The following KBTBD11 variants were observed in gnomAD, a reference collection of about 807,000 sequenced individuals.
KBTBD11 encodes kelch repeat and BTB domain containing 11.
For synonymous variants in KBTBD11, 747 were observed against 499.0 expected (o/e 1.50, Z -6.63); for missense variants, 1,390 against 1,001.8 (o/e 1.39, Z -5.23).
At chr8:1,989,627 T>C (rs1014985891) in intron 1 of KBTBD11, among the ~76,000 whole-genome samples, 6 of 152,214 alleles carry the variant, frequency 3.9e-5, no homozygotes, top group Non-Finnish European at 7.3e-5. Flanking sequence ...TCAGGAAATC[T>C]ATGCAACAAG....
At chr8:1,994,810 C>G (rs28705724) in intron 1 of KBTBD11, among the ~76,000 whole-genome samples, 1 of 151,948 alleles carries the variant, frequency 6.6e-6, no homozygotes, top group Non-Finnish European at 1.5e-5. Flanking sequence ...TGTAATCCCA[C>G]CACTTTGGGA....
chr8:1,979,106 A>G (rs1032778658), intron 1 of KBTBD11, among the ~76,000 whole-genome samples: 3 of 152,146 alleles, frequency 2.0e-5, no homozygotes, highest in African/African-American at 7.2e-5. Flanking sequence ...GAGGGATTAG[A>G]GAGCAAGATT....
At chr8:1,993,958 C>CACAA (rs1554527404) in intron 1 of KBTBD11, among the ~76,000 whole-genome samples, 4 of 148,134 alleles carry the variant, frequency 2.7e-5, no homozygotes, top group African/African-American at 1.0e-4. Context: ...CACACACACA[C>CACAA]AAAACCCCAT....
intron 1 of KBTBD11, among the ~76,000 whole-genome samples, chr8:1,983,743 G>A (rs1816617172): frequency 6.6e-6 from 1 of 152,270 alleles, no homozygotes; most frequent in East Asian, 1.9e-4. Context: ...CATGTGTTCA[G>A]CTTATCTCTC....
rs1343828420 is a variant in KBTBD11, at chr8:2,004,224, C to T, written c.*1160C>T. On this transcript the variant is annotated 3_prime_UTR_variant, in exon 2 of 2. Coordinates refer to ENST00000320248, the MANE Select transcript of KBTBD11 (RefSeq NM_014867.3). ...GTATTGAATTGAGTTCCAAAATACC[C>T]TAATAGAATTAACACGAGGCTCACT... 6.0e-6 allele frequency: 1 copy of T among 166,950 alleles called. No individual in the cohort carries two copies. Among genetic ancestry groups the T allele is most frequent in the East Asian group, 1.9e-4 (1 of 5,192 alleles). The allele number at this position is 166,950 out of a possible 1,614,324, so 10.3% of individuals were successfully genotyped here.
intron 1 of KBTBD11, among the ~76,000 whole-genome samples, chr8:1,978,816 C>T (rs1278562395): frequency 2.1e-5 from 3 of 142,378 alleles, no homozygotes; most frequent in Non-Finnish European, 4.6e-5. Flanking sequence ...AAGGCTACGG[C>T]GATCCCCAAG....
chr8:1,973,889 C>A lies in KBTBD11; in HGVS notation c.-955C>A. 2 of 983,036 alleles carry A rather than the reference C, an allele frequency of 2.0e-6. No homozygotes were observed. Among genetic ancestry groups the A allele is most frequent in the Non-Finnish European group, 2.4e-6 (2 of 828,990 alleles). The allele number at this position is 983,036 out of a possible 1,614,324, so 60.9% of individuals were successfully genotyped here. ...CGCGCATGCGCCGGAGCCCACCCGCCTGGCTGCGCGTCCCGGGCCCGGCGG... is the reference window on the plus strand; with the variant it reads ...CGCGCATGCGCCGGAGCCCACCCGCATGGCTGCGCGTCCCGGGCCCGGCGG... On this transcript the variant is annotated 5_prime_UTR_variant, in exon 1 of 2. It adds an upstream start codon to the 5' untranslated region. Transcript: ENST00000320248.
chr8:1,983,432 G>C (rs1400044691), intron 1 of KBTBD11, among the ~76,000 whole-genome samples: 3 of 152,196 alleles, frequency 2.0e-5, no homozygotes, highest in Non-Finnish European at 4.4e-5. Context: ...CCACCGCTCC[G>C]TGACCTGACC....
rs959769627 is a variant in KBTBD11 at position 2,000,990 on chromosome 8, G to A, written c.-203G>A. On this transcript the variant is annotated 5_prime_UTR_variant, in exon 2 of 2. Transcript: ENST00000320248. ...ACACCCCTCCTCGCTGGAGAGGAGA[G>A]GGCAAAGGCGAGGCGGGGGAGCAGC... The A allele has an allele frequency of 2.1e-5, 13 of 610,322 alleles. No homozygotes were observed. Among genetic ancestry groups the A allele is most frequent in the Admixed American group, 4.4e-5 (1 of 22,886 alleles). 37.8% of individuals were successfully genotyped at this position (610,322 alleles called of 1,614,324 possible).
intron 1 of KBTBD11, among the ~76,000 whole-genome samples, chr8:1,982,783 C>T (rs1212914261): frequency 1.3e-5 from 2 of 151,182 alleles, no homozygotes; most frequent in African/African-American, 4.9e-5. Flanking sequence ...CACTGTGTCA[C>T]CCAGGCTGGA....
At chr8:1,982,140 G>A (rs900115365) in intron 1 of KBTBD11, among the ~76,000 whole-genome samples, 5 of 152,192 alleles carry the variant, frequency 3.3e-5, no homozygotes, top group African/African-American at 9.6e-5. Flanking sequence ...GGAGTTAAAA[G>A]TATAGAGTTA....
At chr8:1,982,807 A>G (rs577863364) in intron 1 of KBTBD11, among the ~76,000 whole-genome samples, 1 of 150,436 alleles carries the variant, frequency 6.6e-6, no homozygotes, top group East Asian at 2.0e-4. Flanking sequence ...CAGTGGTGTG[A>G]TCTCAGCTCA....
rs1356093347 is a variant in KBTBD11 at position 2,003,827 on chromosome 8, C to T, written c.*763C>T. ...TACCATTATTTAAATTTTAAGTCTT[C>T]AGTGGCTAAATGTGACCAAACAGCA... On this transcript the variant is annotated 3_prime_UTR_variant, in exon 2 of 2. Transcript: ENST00000320248. 1.2e-5 allele frequency: 2 copies of T among 166,950 alleles called. No homozygotes were observed. Among genetic ancestry groups the T allele is most frequent in the Non-Finnish European group, 2.9e-5 (2 of 68,116 alleles). 10.3% of individuals were successfully genotyped at this position (166,950 alleles called of 1,614,324 possible). A position where few individuals can be genotyped will look rare whatever the true frequency, so the allele number is the denominator to read the frequency against.
At chr8:1,981,601 C>T (rs530749400) in intron 1 of KBTBD11, among the ~76,000 whole-genome samples, 4 of 152,262 alleles carry the variant, frequency 2.6e-5, no homozygotes, top group East Asian at 1.9e-4. Flanking sequence ...GGCATTTGAA[C>T]CAGTGTGAGG....
intron 1 of KBTBD11, among the ~76,000 whole-genome samples, chr8:1,995,077 A>C (rs2129314359): frequency 6.6e-6 from 1 of 151,906 alleles, no homozygotes; most frequent in Non-Finnish European, 1.5e-5. Flanking sequence ...AAAAAAAAAA[A>C]AAAAAGCTAA....
rs373530676 is a variant in KBTBD11 at position 2,002,620 on chromosome 8, G to A, written c.1428G>A (p.Arg476=). 178 of 1,583,848 alleles carry A rather than the reference G, an allele frequency of 1.1e-4. No homozygotes were observed. The highest frequency in any genetic ancestry group is 1.4e-4 in the Non-Finnish European group (170 of 1,173,752). The change falls in exon 2 of 2, where the codon CGG becomes CGA. Residue 476 remains arginine (R), a synonymous_variant. Coordinates refer to ENST00000320248, the MANE Select transcript of KBTBD11 (RefSeq NM_014867.3). This position sits in a 1 kb window ranked among gnomAD's most constrained non-coding sequence, Gnocchi z 4.1. ...LFYRLLKYDP[R]RDEWQECPCS... ...ATCGCCTGCTCAAGTATGACCCGCG[G>A]CGCGACGAGTGGCAGGAGTGCCCGT...
At chr8:1,990,286 G>T (rs1585739433) in intron 1 of KBTBD11, among the ~76,000 whole-genome samples, 2 of 148,334 alleles carry the variant, frequency 1.3e-5, no homozygotes, top group East Asian at 2.1e-4. Context: ...AGATGCTGCT[G>T]GGCCTTGGTG....
intron 1 of KBTBD11, among the ~76,000 whole-genome samples, chr8:1,984,697 C>G (rs1816654664): frequency 6.6e-6 from 1 of 152,150 alleles, no homozygotes; most frequent in South Asian, 2.1e-4. Flanking sequence ...TGACTTCCCA[C>G]AGGAGCAGGA....
chr8:1,995,748 G>A (rs577973550), intron 1 of KBTBD11, among the ~76,000 whole-genome samples: 4 of 152,192 alleles, frequency 2.6e-5, no homozygotes, highest in African/African-American at 9.7e-5. Flanking sequence ...TCCTGACCGG[G>A]CATGGTGGCT....
Sources: allele counts gnomAD v4.1 joint callset (sites outside exome capture counted in the v4.1 genomes callset), GRCh38; gene constraint gnomAD v4.1.1; non-coding constraint Gnocchi (gnomAD v3.1); transcripts MANE v1.5; gene names NCBI Gene and HGNC (gene_info 2026-07-23, HGNC 2026-07-21).